The following SLC8A1 variants were observed in gnomAD, a reference collection of about 807,000 sequenced individuals.
SLC8A1 encodes solute carrier family 8 member A1.
Under a neutral mutation model 68.3 loss-of-function variants are expected in SLC8A1, and 18 were observed. The ratio of observed to expected loss-of-function variants is 0.26; its 90% CI spans 0.18 to 0.39. SLC8A1 has a LOEUF of 0.39. Among genes scored for constraint, SLC8A1 ranks in the 10% least tolerant of loss-of-function variants. SLC8A1 has a pLI of 1.00. For missense variants in SLC8A1, 985 were observed against 1,156.7 expected, an observed-to-expected ratio of 0.85 and a Z score of 2.15; for synonymous variants, 475 against 415.5, an observed-to-expected ratio of 1.14 and a Z score of -1.74.
chr2:40,226,549 A>G (rs967013427), intron 2 of SLC8A1, among the ~76,000 whole-genome samples: 1 of 152,176 alleles, frequency 6.6e-6, no homozygotes, highest in African/African-American at 2.4e-5. Context: ...CAAAGGAGTC[A>G]ACTACAGTCA....
intron 2 of SLC8A1, among the ~76,000 whole-genome samples, chr2:40,196,264 A>G (rs568032534): frequency 6.6e-6 from 1 of 152,080 alleles, no homozygotes; most frequent in African/African-American, 2.4e-5. Context: ...AGTTGAATGA[A>G]ATGACACATG....
chr2:40,510,567 G>C (rs71441106), intron 1 of SLC8A1, among the ~76,000 whole-genome samples: 13,378 of 152,102 alleles, frequency 0.088, 1,074 homozygotes, highest in East Asian at 0.42. Context: ...TGTTTCTTTT[G>C]AGAAGCCGGC....
At chr2:40,442,357 A>G (rs946727521) in intron 1 of SLC8A1, among the ~76,000 whole-genome samples, 2 of 150,822 alleles carry the variant, frequency 1.3e-5, no homozygotes, top group Non-Finnish European at 3.0e-5. Flanking sequence ...CCAATCTGAC[A>G]AAGGTCTAAT....
chr2:40,493,586 A>G (rs1033622730), intron 1 of SLC8A1, among the ~76,000 whole-genome samples: 1 of 151,680 alleles, frequency 6.6e-6, no homozygotes, highest in Non-Finnish European at 1.5e-5. Context: ...AAAACTTGGG[A>G]GTTGGGAAAC....
chr2:40,369,792 T>G (rs1677440762), intron 2 of SLC8A1, among the ~76,000 whole-genome samples: 1 of 152,074 alleles, frequency 6.6e-6, no homozygotes, highest in Admixed American at 6.6e-5. Flanking sequence ...TCATCTGTGG[T>G]TGGGCCTGAC....
At chr2:40,139,518 T>A in exon 7 of SLC8A1, 1 of 1,614,064 alleles carries the variant, frequency 6.2e-7, no homozygotes, top group Non-Finnish European at 8.5e-7. Flanking sequence ...AGGCCAATCA[T>A]GAGGATGGAG....
At chr2:40,394,504 G>A (rs1360562665) in intron 2 of SLC8A1, among the ~76,000 whole-genome samples, 1 of 151,864 alleles carries the variant, frequency 6.6e-6, no homozygotes, top group Non-Finnish European at 1.5e-5. Context: ...GCGGTAGCAA[G>A]CAAATGGCAG....
chr2:40,250,271 C>G (rs1308339193), intron 2 of SLC8A1: 3 of 152,140 alleles, frequency 2.0e-5, no homozygotes, highest in Admixed American at 6.5e-5. Flanking sequence ...GGACAACAGA[C>G]AAATTACTTA....
In SLC8A1 at chr2:40,336,225, T is replaced by C. The variant is rs563258255; in HGVS notation, c.1808+92248A>G. Among the ~76,000 whole-genome samples the C allele has an allele frequency of 9.7e-4, 147 of 152,294 alleles. 1 individual carries two copies. The highest frequency in any genetic ancestry group is 3.5e-3 in the African/African-American group (144 of 41,568). On this transcript the variant is annotated intron_variant, in intron 2 of 7. Coordinates refer to ENST00000406785, the Ensembl canonical transcript of SLC8A1. ...CTGAGCATCACTGGTACAGCAACTA[T>C]CATATTGCATTGTAATTGCCTGTCC...
Position 40,293,068 on chromosome 2 carries a change from G to T in SLC8A1, c.1809-115213C>A, listed in dbSNP as rs145167041. 4.5e-3 allele frequency among the ~76,000 whole-genome samples: 687 copies of T among 152,070 alleles called. 5 individuals are homozygous for T. The highest frequency in any genetic ancestry group is 7.6e-3 in the Non-Finnish European group (520 of 67,976). On this transcript the variant is annotated intron_variant, in intron 2 of 7. Transcript: ENST00000406785. Reference sequence around the variant, plus strand: ...TCTTATTTTGTTGTTGTTGTTTTCTGCCAGAAAATCTTTACACATGCTGTT... The same window carrying T: ...TCTTATTTTGTTGTTGTTGTTTTCTTCCAGAAAATCTTTACACATGCTGTT...
chr2:40,484,323 A>T (rs1003161456), intron 1 of SLC8A1, among the ~76,000 whole-genome samples: 1 of 152,194 alleles, frequency 6.6e-6, no homozygotes, highest in Non-Finnish European at 1.5e-5. Context: ...GCATTATCCA[A>T]TGCCAGAGGA....
intron 1 of SLC8A1, among the ~76,000 whole-genome samples, chr2:40,476,821 G>A (rs1285702286): frequency 6.6e-6 from 1 of 152,180 alleles, no homozygotes; most frequent in Non-Finnish European, 1.5e-5. Context: ...AAAAGCCATT[G>A]GCAGAGTATC....
intron 2 of SLC8A1, among the ~76,000 whole-genome samples, chr2:40,413,398 T>C (rs1275175810): frequency 5.9e-5 from 9 of 152,194 alleles, no homozygotes; most frequent in Admixed American, 3.9e-4. Flanking sequence ...GTGGCACATA[T>C]ACACCATGGA....
At chr2:40,419,256 C>G (rs1479561371) in intron 2 of SLC8A1, among the ~76,000 whole-genome samples, 1 of 152,194 alleles carries the variant, frequency 6.6e-6, no homozygotes, top group African/African-American at 2.4e-5. Context: ...CTCAAACACA[C>G]TCAGGCACGT....
intron 2 of SLC8A1, among the ~76,000 whole-genome samples, chr2:40,216,173 G>A (rs1044138277): frequency 6.6e-6 from 1 of 152,040 alleles, no homozygotes; most frequent in Admixed American, 6.5e-5. Flanking sequence ...CCCACCGACA[G>A]GCCCTGGTGT....
At chr2:40,360,391 G>A (rs1674240841) in intron 2 of SLC8A1, among the ~76,000 whole-genome samples, 1 of 152,032 alleles carries the variant, frequency 6.6e-6, no homozygotes, top group South Asian at 2.1e-4. Flanking sequence ...ATAGAATTAG[G>A]CATAGTTTAT....
intron 2 of SLC8A1, among the ~76,000 whole-genome samples, chr2:40,420,083 G>C (rs1266586562): frequency 6.6e-6 from 1 of 152,122 alleles, no homozygotes; most frequent in Admixed American, 6.6e-5. Context: ...GTCCTCCAGA[G>C]AGGATTCAGA....
rs570677341 is a variant in SLC8A1, at chr2:40,190,346, A to G, written c.1809-12491T>C. Among the ~76,000 whole-genome samples, 26 of 152,330 alleles carry G rather than the reference A, an allele frequency of 1.7e-4. No homozygotes were observed. The East Asian group carries it at 5.0e-3, about 29-fold the overall frequency. ...TATACACATACGCAAACTGAGACTC[A>G]GTGAAATTAACCAATGCCTCAAAGC... On this transcript the variant is annotated intron_variant, in intron 2 of 7. Transcript: ENST00000406785.
At chr2:40,234,340 T>C (rs2060078440) in intron 2 of SLC8A1, among the ~76,000 whole-genome samples, 1 of 151,900 alleles carries the variant, frequency 6.6e-6, no homozygotes, top group Admixed American at 6.6e-5. Flanking sequence ...GATTCCTAGG[T>C]ATTTTATTCT....
Sources: gnomAD v4.1 joint callset for allele counts (sites outside exome capture counted in the v4.1 genomes callset) on GRCh38, gnomAD v4.1.1 for gene constraint, MANE v1.5 for transcripts, NCBI Gene and HGNC (gene_info 2026-07-23, HGNC 2026-07-21) for gene names.